The following LYRM4 variants were observed in gnomAD, a reference collection of about 807,000 sequenced individuals.
The protein encoded by LYRM4 is LYR motif containing 4, also known as LYR motif-containing protein 4.
In LYRM4, 9 loss-of-function variants were observed where a neutral mutation model predicts 11.7. That is an observed-to-expected ratio of 0.77 (90% CI 0.46 to 1.34). The LOEUF is 1.34. Ranked by LOEUF, LYRM4 falls within the 40% of genes most tolerant of loss-of-function variation. The probability of loss-of-function intolerance (pLI) is 0.00; values close to 1 mark genes in which losing one functional copy is unlikely to be tolerated. For missense variants in LYRM4, 133 were observed against 112.5 expected (o/e 1.18, Z -0.82); for synonymous variants, 42 against 40.4 (o/e 1.04, Z -0.15).
chr6:5,070,407 A>G, the LYRM4 span, among the ~76,000 whole-genome samples: 3 of 152,316 alleles, frequency 2.0e-5, no homozygotes, highest in South Asian at 4.1e-4. Flanking sequence ...TACTAACAGT[A>G]TTATTGCTAG....
chr6:5,050,076 C>T, the LYRM4 span, among the ~76,000 whole-genome samples: 3 of 152,210 alleles, frequency 2.0e-5, no homozygotes, highest in African/African-American at 4.8e-5. Flanking sequence ...AAGATGGCAG[C>T]GTAGAAGCAT....
At chr6:5,251,961 G>T (rs193206050) in intron 1 of LYRM4, among the ~76,000 whole-genome samples, 10 of 152,290 alleles carry the variant, frequency 6.6e-5, no homozygotes, top group African/African-American at 1.7e-4. Flanking sequence ...GGCTCAAAAA[G>T]AAAACAGATT....
At chr6:5,125,417 A>G (rs1466127079) in intron 2 of LYRM4, among the ~76,000 whole-genome samples, 1 of 151,906 alleles carries the variant, frequency 6.6e-6, no homozygotes, top group African/African-American at 2.4e-5. Flanking sequence ...GTGAGCAAAC[A>G]CCCCCATTCA....
chr6:5,113,249 A>G, intron 2 of LYRM4: 2 of 402,126 alleles, frequency 5.0e-6, no homozygotes, highest in Non-Finnish European at 5.0e-6. Context: ...CCTGACCAAC[A>G]CGGTGAAACC....
chr6:5,226,205 T>C (rs903068908), intron 1 of LYRM4, among the ~76,000 whole-genome samples: 2 of 152,234 alleles, frequency 1.3e-5, no homozygotes, highest in African/African-American at 2.4e-5. Context: ...ATCATATGTA[T>C]AAAAGCCTAC....
the LYRM4 span, chr6:5,085,991 T>C: frequency 6.6e-7 from 1 of 1,525,584 alleles, no homozygotes; most frequent in Admixed American, 2.0e-5. Flanking sequence ...AGCTTCCCTA[T>C]GCGTGCCGAG....
the LYRM4 span, among the ~76,000 whole-genome samples, chr6:5,046,432 C>G: frequency 6.6e-6 from 1 of 152,164 alleles, no homozygotes; most frequent in Non-Finnish European, 1.5e-5. Context: ...AGATATTCCA[C>G]TATTTTTTAT....
intron 2 of LYRM4, among the ~76,000 whole-genome samples, chr6:5,194,268 A>C (rs1467745365): frequency 6.6e-6 from 1 of 152,108 alleles, no homozygotes; most frequent in Non-Finnish European, 1.5e-5. Flanking sequence ...TTCCTAATAA[A>C]TCTTGTTGAA....
the LYRM4 span, among the ~76,000 whole-genome samples, chr6:5,051,432 C>G: frequency 6.6e-6 from 1 of 152,136 alleles, no homozygotes; most frequent in African/African-American, 2.4e-5. Flanking sequence ...AAAGAAATGA[C>G]TCATCCCATA....
intron 2 of LYRM4, among the ~76,000 whole-genome samples, chr6:5,189,803 T>C (rs1760650411): frequency 6.6e-6 from 1 of 152,258 alleles, no homozygotes; most frequent in South Asian, 2.1e-4. Flanking sequence ...TCACCTAATC[T>C]ATGAATCGAA....
At chr6:5,207,341 G>C (rs546434001) in intron 2 of LYRM4, among the ~76,000 whole-genome samples, 2 of 148,710 alleles carry the variant, frequency 1.3e-5, no homozygotes, top group East Asian at 3.9e-4. Context: ...CATATACACA[G>C]CAGGCAAGGG....
chr6:5,219,412 G>A (rs1048772060), intron 1 of LYRM4, among the ~76,000 whole-genome samples: 2 of 152,124 alleles, frequency 1.3e-5, no homozygotes, highest in South Asian at 2.1e-4. Context: ...TCAAATTTTC[G>A]ATGCACTTTC....
At chr6:5,035,893 T>C in the LYRM4 span, among the ~76,000 whole-genome samples, 1 of 147,650 alleles carries the variant, frequency 6.8e-6, no homozygotes, top group African/African-American at 2.5e-5. Flanking sequence ...TGTTGCACTT[T>C]TATTTCTAAA....
the LYRM4 span, chr6:5,065,741 A>G: frequency 2.4e-4 from 54 of 227,416 alleles, 1 homozygote; most frequent in Middle Eastern, 2.4e-3. Flanking sequence ...TTTGGTTTTC[A>G]TGTCATGGTT....
In LYRM4 at chr6:5,119,822, A is replaced by C. The variant is rs766279428; in HGVS notation, c.208-10331T>G. Among the ~76,000 whole-genome samples, 228 of 147,184 alleles carry C rather than the reference A, an allele frequency of 1.5e-3. 1 individual carries two copies. The highest frequency in any genetic ancestry group is 2.4e-3 in the Non-Finnish European group (162 of 66,302). On this transcript the variant is annotated intron_variant, in intron 2 of 2. Coordinates refer to ENST00000330636, the MANE Select transcript of LYRM4 (RefSeq NM_020408.6). The stretch of plus-strand genomic sequence containing the variant: ...AAAAAAAAAAAAAAAAAAAAAAAAC[A>C]ACCACAAAAAAGGCCCACCATGTGA...
chr6:5,076,326 T>C, the LYRM4 span, among the ~76,000 whole-genome samples: 1 of 152,278 alleles, frequency 6.6e-6, no homozygotes, highest in East Asian at 1.9e-4. Context: ...CCAGAGTAAC[T>C]TGCATGTGAC....
At chr6:5,230,314 C>G (rs1257871577) in intron 1 of LYRM4, among the ~76,000 whole-genome samples, 1 of 152,220 alleles carries the variant, frequency 6.6e-6, no homozygotes, top group Non-Finnish European at 1.5e-5. Flanking sequence ...TTCCTCACAT[C>G]TACATATCCT....
intron 2 of LYRM4, among the ~76,000 whole-genome samples, chr6:5,146,637 C>T (rs200282648): frequency 1.3e-5 from 2 of 152,266 alleles, no homozygotes; most frequent in East Asian, 1.9e-4. Context: ...TCTTGCTTGA[C>T]GTTAGGCAGT....
chr6:5,073,157 C>T, the LYRM4 span, among the ~76,000 whole-genome samples: 29 of 151,872 alleles, frequency 1.9e-4, no homozygotes, highest in African/African-American at 4.4e-4. Context: ...GGCAGTGGGC[C>T]GATCACATGA....
Sources: gnomAD v4.1 joint callset for allele counts (sites outside exome capture counted in the v4.1 genomes callset) on GRCh38, gnomAD v4.1.1 for gene constraint, MANE v1.5 for transcripts, NCBI Gene and HGNC (gene_info 2026-07-23, HGNC 2026-07-21) for gene names.